The following PGM5 variants were observed in gnomAD, a reference collection of about 807,000 sequenced individuals.
The protein encoded by PGM5 is phosphoglucomutase 5.
A neutral mutation model predicts 59.2 loss-of-function variants in PGM5; 23 were observed. The ratio of observed to expected loss-of-function variants is 0.39; its 90% confidence interval spans 0.28 to 0.55. PGM5 has a LOEUF of 0.55. PGM5 is among the 20% of genes least tolerant of loss of function. The pLI is 0.66. For missense variants in PGM5, 574 were observed against 748.3 expected (o/e 0.77, Z 2.72); for synonymous variants, 214 against 286.0 (o/e 0.75, Z 2.54).
intron 6 of PGM5, among the ~76,000 whole-genome samples, chr9:68,444,405 A>G (rs1554683891): frequency 6.6e-6 from 1 of 152,210 alleles, no homozygotes; most frequent in African/African-American, 2.4e-5. Flanking sequence ...TAGAAGCAAG[A>G]CCAATTTTAG....
At chr9:68,470,546 T>G (rs369340585) in intron 7 of PGM5, among the ~76,000 whole-genome samples, 3 of 152,252 alleles carry the variant, frequency 2.0e-5, no homozygotes, top group East Asian at 3.8e-4. Flanking sequence ...AATTATTACA[T>G]TTACTATTTT....
intron 1 of PGM5, among the ~76,000 whole-genome samples, chr9:68,371,386 C>T (rs1318937683): frequency 3.9e-5 from 6 of 152,146 alleles, no homozygotes; most frequent in Non-Finnish European, 7.4e-5. Context: ...TAGCGGTCTG[C>T]TGCATTGACA....
At chr9:68,456,342 G>T (rs544999185) in intron 6 of PGM5, among the ~76,000 whole-genome samples, 3 of 150,304 alleles carry the variant, frequency 2.0e-5, no homozygotes, top group Admixed American at 6.6e-5. Flanking sequence ...ACAGAGTCTC[G>T]CTGTGTCACC....
intron 6 of PGM5, among the ~76,000 whole-genome samples, chr9:68,429,537 T>C (rs954063904): frequency 2.0e-5 from 3 of 152,228 alleles, no homozygotes; most frequent in Non-Finnish European, 4.4e-5. Flanking sequence ...CTCATTACTC[T>C]TACAGCCTTC....
Position 68,387,550 on chromosome 9 carries a change from C to T in PGM5, c.659C>T (p.Pro220Leu). The change falls in exon 4 of 11, where the codon CCC becomes CTC. Residue 220 changes from proline to leucine, a missense_variant. Physicochemically the swap from Pro to Leu is moderately conservative, Grantham distance 98. This residue lies in a region of PGM5 where 103 missense variants were observed against 112.4 expected (regional missense o/e 0.92). Transcript: ENST00000396396. Reference protein sequence around the residue: ...FHAIKGLLTGPSQLKIRIDAM... With the variant: ...FHAIKGLLTGLSQLKIRIDAM... ...GCCATCAAGGGTTTGCTGACTGGAC[C>T]CAGCCAACTGAAGATTCGCATTGAC... 3 of 1,612,166 alleles carry T rather than the reference C, an allele frequency of 1.9e-6. No homozygotes were observed. Among genetic ancestry groups the T allele is most frequent in the Non-Finnish European group, 2.5e-6 (3 of 1,178,632 alleles).
At chr9:68,529,336 A>G (rs1053238765) in intron 10 of PGM5, among the ~76,000 whole-genome samples, 1 of 151,914 alleles carries the variant, frequency 6.6e-6, no homozygotes, top group Non-Finnish European at 1.5e-5. Context: ...TTATAGATAA[A>G]TTTCTTTTGA....
At chr9:68,434,316 C>CAAAAAAAAAAAAAAAAAAAAAA (rs71353054) in intron 6 of PGM5, among the ~76,000 whole-genome samples, 14 of 90,824 alleles carry the variant, frequency 1.5e-4, no homozygotes, top group South Asian at 4.4e-4. Flanking sequence ...GACTCCGTCT[C>CAAAAAAAAAAAAAAAAAAAAAA]AAAAAAAAAA....
chr9:68,510,502 T>A (rs1554689295), intron 10 of PGM5, among the ~76,000 whole-genome samples: 26 of 152,202 alleles, frequency 1.7e-4, no homozygotes. Flanking sequence ...TCCAGTTTTG[T>A]GATCTTGGGC....
At chr9:68,474,218 G>A (rs1413034876) in intron 7 of PGM5, among the ~76,000 whole-genome samples, 1 of 152,080 alleles carries the variant, frequency 6.6e-6, no homozygotes, top group Non-Finnish European at 1.5e-5. Context: ...TGCAGTGCAG[G>A]GTTGAAAATT....
At position 68,430,998 on chromosome 9, in the gene PGM5, T is replaced by A. The variant is rs186767999; in HGVS notation, c.1044-34095T>A. Among the ~76,000 whole-genome samples, 172 of 152,346 alleles carry A rather than the reference T, an allele frequency of 1.1e-3. 2 individuals carry two copies. The Middle Eastern group carries it at 0.037, about 33-fold the overall frequency. ...GTCATACAGGTGTCATACCCACCTT[T>A]TCCTCTAGAATATATTATAACCTGA... On this transcript the variant is annotated intron_variant, in intron 6 of 10. Coordinates refer to ENST00000396396, the MANE Select transcript of PGM5 (RefSeq NM_021965.4).
chr9:68,384,475 C>G lies in PGM5; in HGVS notation c.502C>G (p.Leu168Val), dbSNP rs149117889. The G allele has an allele frequency of 6.2e-7, 1 of 1,608,386 alleles. No individual in the cohort carries two copies. ...TGAGGAATATGCTATATGTCCTGAT[C>G]TCCGAATCGACCTATCTCGACTAGG... ...TIEEYAICPD[L>V]RIDLSRLGRQ... Residue 168 changes from leucine to valine, a missense_variant, in exon 3 of 11, where the codon CTC becomes GTC. Physicochemically the swap from Leu to Val is conservative, Grantham distance 32 (BLOSUM62 1). This residue lies in a region of PGM5 where 103 missense variants were observed against 112.4 expected (regional missense o/e 0.92). Coordinates refer to ENST00000396396, the MANE Select transcript of PGM5 (RefSeq NM_021965.4).
intron 7 of PGM5, among the ~76,000 whole-genome samples, chr9:68,470,634 C>G (rs1475315202): frequency 6.6e-6 from 1 of 152,214 alleles, no homozygotes; most frequent in African/African-American, 2.4e-5. Context: ...ACATTTGTCT[C>G]TTTTCGCATC....
rs144080553 is a variant in PGM5 at position 68,470,213 on chromosome 9, T to C, written c.1159+5005T>C. Among the ~76,000 whole-genome samples, 42 of 152,352 alleles carry C rather than the reference T, an allele frequency of 2.8e-4. No individual in the cohort carries two copies. In the East Asian group the frequency reaches 5.8e-3, roughly 21 times the overall value. ...TGTTTATTTCTTATGCCTGTAGTTG[T>C]TGACAATAACAGAAATAGCCATGTT... On this transcript the variant is annotated intron_variant, in intron 7 of 10. Coordinates refer to ENST00000396396, the MANE Select transcript of PGM5 (RefSeq NM_021965.4).
chr9:68,373,800 C>T lies in PGM5; in HGVS notation c.262-4399C>T, dbSNP rs552160916. Among the ~76,000 whole-genome samples, 24 of 152,340 alleles carry T rather than the reference C, an allele frequency of 1.6e-4. 1 individual carries two copies. In the South Asian group the frequency reaches 5.0e-3, roughly 32 times the overall value. ...AGGATGTCCCTGGTGGGCAAAGACTCTTGTCTACCAAATGGGATGGGGACC... is the reference window on the plus strand; with the variant it reads ...AGGATGTCCCTGGTGGGCAAAGACTTTTGTCTACCAAATGGGATGGGGACC... On this transcript the variant is annotated intron_variant, in intron 1 of 10. Transcript: ENST00000396396.
chr9:68,394,170 G>T (rs1371133320), intron 6 of PGM5: 1 of 152,090 alleles, frequency 6.6e-6, no homozygotes, highest in East Asian at 1.9e-4. Flanking sequence ...AATCTGGGTG[G>T]TGGTTACATG....
intron 6 of PGM5, among the ~76,000 whole-genome samples, chr9:68,424,335 G>T (rs782764156): frequency 6.6e-6 from 1 of 152,146 alleles, no homozygotes; most frequent in Non-Finnish European, 1.5e-5. Context: ...CCAAAATCAA[G>T]GAGCTGGTGT....
intron 6 of PGM5, 96 bp from the exon 7 acceptor site, chr9:68,464,997 T>C: frequency 1.4e-6 from 1 of 695,396 alleles, no homozygotes; most frequent in South Asian, 1.9e-5. Context: ...AATCTAGCTA[T>C]GGATTTAGTA....
At chr9:68,485,169 G>A (rs1169029715) in intron 9 of PGM5, among the ~76,000 whole-genome samples, 1 of 152,162 alleles carries the variant, frequency 6.6e-6, no homozygotes, top group African/African-American at 2.4e-5. Flanking sequence ...TGTACTCAGT[G>A]CTTGGATACC....
intron 2 of PGM5, among the ~76,000 whole-genome samples, 177 bp downstream of exon 2, chr9:68,378,538 A>G (rs1456063952): frequency 6.6e-6 from 1 of 152,148 alleles, no homozygotes; most frequent in Non-Finnish European, 1.5e-5. Context: ...TCATGAACCC[A>G]TTTGGGTGGT....
Sources: gnomAD v4.1 joint callset for allele counts (sites outside exome capture counted in the v4.1 genomes callset) on GRCh38, gnomAD v4.1.1 for gene constraint, gnomAD v4.1.1 regional missense constraint, MANE v1.5 for transcripts, NCBI Gene and HGNC (gene_info 2026-07-23, HGNC 2026-07-21) for gene names.